The following KIAA1549L variants were observed in gnomAD, a reference collection of about 807,000 sequenced individuals.
KIAA1549L encodes KIAA1549 like.
Under a neutral mutation model 160.7 loss-of-function variants are expected in KIAA1549L, and 88 were observed. The ratio of observed to expected loss-of-function variants is 0.55; its 90% CI spans 0.46 to 0.65. KIAA1549L has a LOEUF of 0.65. Ranked by LOEUF, KIAA1549L falls within the 30% of genes least tolerant of loss-of-function variation. KIAA1549L has a pLI of 0.00. For missense variants in KIAA1549L, 2,258 were observed against 2,437.5 expected (o/e 0.93, Z 1.55); for synonymous variants, 950 against 976.7 (o/e 0.97, Z 0.51).
chr11:33,661,574 T>G (rs745811143), intron 20 of KIAA1549L, among the ~76,000 whole-genome samples: 2 of 152,062 alleles, frequency 1.3e-5, no homozygotes, highest in Non-Finnish European at 2.9e-5. Context: ...TGTCAGAAAA[T>G]GAAGGATTAG....
intron 16 of KIAA1549L, among the ~76,000 whole-genome samples, chr11:33,623,497 C>T (rs748007437): frequency 6.6e-6 from 1 of 152,118 alleles, no homozygotes; most frequent in Non-Finnish European, 1.5e-5. Flanking sequence ...ATTTACGGTA[C>T]ATTATATTTT....
At chr11:33,658,363 C>T (rs907493616) in intron 18 of KIAA1549L, among the ~76,000 whole-genome samples, 7 of 152,154 alleles carry the variant, frequency 4.6e-5, no homozygotes, top group Non-Finnish European at 1.0e-4. Flanking sequence ...AGAGAGCCTT[C>T]CCACTGGCTG....
intron 1 of KIAA1549L, among the ~76,000 whole-genome samples, chr11:33,393,997 A>G (rs1484634749): frequency 1.3e-5 from 2 of 152,166 alleles, no homozygotes; most frequent in Middle Eastern, 3.2e-3. Flanking sequence ...ATATGCATGG[A>G]TAGCACAGCA....
At chr11:33,410,473 A>G (rs537033138) in intron 1 of KIAA1549L, among the ~76,000 whole-genome samples, 1 of 152,328 alleles carries the variant, frequency 6.6e-6, no homozygotes, top group African/African-American at 2.4e-5. Flanking sequence ...TAGTACCTAG[A>G]TTAGTTCTTA....
intron 1 of KIAA1549L, among the ~76,000 whole-genome samples, chr11:33,377,973 A>G (rs777869387): frequency 1.3e-4 from 20 of 152,168 alleles, no homozygotes; most frequent in Non-Finnish European, 2.1e-4. Context: ...ACTGTCAGAT[A>G]ATGTTCTATT....
At chr11:33,588,942 C>T (rs1849962211) in intron 11 of KIAA1549L, among the ~76,000 whole-genome samples, 1 of 152,202 alleles carries the variant, frequency 6.6e-6, no homozygotes, top group Non-Finnish European at 1.5e-5. Context: ...AGCAATAAAA[C>T]TCCATCCTGT....
intron 10 of KIAA1549L, among the ~76,000 whole-genome samples, chr11:33,580,672 A>G (rs1855610330): frequency 6.6e-6 from 1 of 151,874 alleles, no homozygotes. Flanking sequence ...TCACTTTTTT[A>G]ACAGATATTT....
At chr11:33,662,504 C>G (rs1420467039) in intron 20 of KIAA1549L, among the ~76,000 whole-genome samples, 1 of 152,176 alleles carries the variant, frequency 6.6e-6, no homozygotes, top group Admixed American at 6.5e-5. Flanking sequence ...CTTTGTCATT[C>G]TCTGCTATTC....
intron 17 of KIAA1549L, among the ~76,000 whole-genome samples, chr11:33,652,673 G>C (rs139092273): frequency 5.9e-5 from 9 of 152,350 alleles, no homozygotes; most frequent in African/African-American, 2.2e-4. Context: ...GAAGAGAGAA[G>C]AGGGGCTGTA....
intron 1 of KIAA1549L, among the ~76,000 whole-genome samples, chr11:33,391,251 A>G (rs1850267791): frequency 6.6e-6 from 1 of 152,186 alleles, no homozygotes; most frequent in Admixed American, 6.5e-5. Flanking sequence ...CGTCAGACCT[A>G]ATTTTCTTGA....
rs1852633060 is a variant in KIAA1549L at position 33,670,395 on chromosome 11, G to A, written c.*2241G>A. 6.6e-6 allele frequency: 1 copy of A among 152,194 alleles called. No individual in the cohort carries two copies. Among genetic ancestry groups the A allele is most frequent in the Non-Finnish European group, 1.5e-5 (1 of 68,030 alleles). The allele number at this position is 152,194 out of a possible 1,614,324, so 9.4% of individuals were successfully genotyped here. A position where few individuals can be genotyped will look rare whatever the true frequency, so the allele number is the denominator to read the frequency against. On this transcript the variant is annotated 3_prime_UTR_variant, in exon 21 of 21. Transcript: ENST00000658780. ...AGCTATGGCTCCAGAGTGCTAAGAG[G>A]GTGGAGTCACAAATCACTGTGGTCT... is the stretch of plus-strand genomic sequence containing the variant.
At chr11:33,424,324 G>A (rs1565130781) in intron 1 of KIAA1549L, among the ~76,000 whole-genome samples, 1 of 152,194 alleles carries the variant, frequency 6.6e-6, no homozygotes, top group Non-Finnish European at 1.5e-5. Flanking sequence ...AGCTTTATCT[G>A]AGAGTCCTTC....
At chr11:33,454,623 T>C (rs1042136585) in intron 1 of KIAA1549L, among the ~76,000 whole-genome samples, 2 of 152,184 alleles carry the variant, frequency 1.3e-5, no homozygotes, top group African/African-American at 4.8e-5. Context: ...TTATGCTCAG[T>C]GGATGCTGTT....
chr11:33,516,871 A>G (rs1401274423), intron 1 of KIAA1549L, among the ~76,000 whole-genome samples: 1 of 152,142 alleles, frequency 6.6e-6, no homozygotes, highest in Non-Finnish European at 1.5e-5. Context: ...AGTGAGAGTT[A>G]TTTTACTTTT....
At chr11:33,647,925 C>A (rs908545528) in intron 17 of KIAA1549L, among the ~76,000 whole-genome samples, 1 of 152,176 alleles carries the variant, frequency 6.6e-6, no homozygotes, top group Non-Finnish European at 1.5e-5. Context: ...AAGCCACCTA[C>A]AGTGGAAAAG....
rs986615504 is a variant in KIAA1549L at position 33,577,187 on chromosome 11, A to G, written c.4402+2314A>G. Reference sequence around the variant, plus strand: ...ATATTCCCAAGAGGCAGGGCATGACAGGGTAGAGATTAAGGGGATTGGAGG... The same window carrying G: ...ATATTCCCAAGAGGCAGGGCATGACGGGGTAGAGATTAAGGGGATTGGAGG... On this transcript the variant is annotated intron_variant, in intron 10 of 20. Coordinates refer to ENST00000658780, the MANE Select transcript of KIAA1549L (RefSeq NM_012194.3). 3.9e-5 allele frequency among the ~76,000 whole-genome samples: 6 copies of G among 152,250 alleles called. No individual in the cohort carries two copies. The South Asian group carries it at 1.2e-3, about 32-fold the overall frequency.
intron 1 of KIAA1549L, among the ~76,000 whole-genome samples, chr11:33,441,794 G>A (rs1851512350): frequency 6.6e-6 from 1 of 151,898 alleles, no homozygotes; most frequent in Non-Finnish European, 1.5e-5. Flanking sequence ...AAATTTATTT[G>A]AGTTCATTGT....
At chr11:33,482,566 A>G (rs1230435686) in intron 1 of KIAA1549L, among the ~76,000 whole-genome samples, 5 of 140,822 alleles carry the variant, frequency 3.6e-5, no homozygotes, top group African/African-American at 5.2e-5. Context: ...TGCATATGCT[A>G]TACTTTTTTT....
chr11:33,549,702 G>A (rs993660504), intron 4 of KIAA1549L, among the ~76,000 whole-genome samples: 9 of 152,182 alleles, frequency 5.9e-5, no homozygotes, highest in Non-Finnish European at 1.0e-4. Flanking sequence ...TGGGGAGAAA[G>A]CAGGTGTCAA....
Sources: gnomAD v4.1 joint callset for allele counts (sites outside exome capture counted in the v4.1 genomes callset) on GRCh38, gnomAD v4.1.1 for gene constraint, MANE v1.5 for transcripts, NCBI Gene and HGNC (gene_info 2026-07-23, HGNC 2026-07-21) for gene names.